Variants in PTPDC1 observed in about 807,000 individuals in gnomAD.
PTPDC1 encodes protein tyrosine phosphatase domain-containing protein 1.
PTPDC1 carries 53 observed loss-of-function variants against 75.3 expected under a neutral mutation model. The observed-to-expected ratio is 0.70, with a 90% CI of 0.56 to 0.88. The LOEUF (loss-of-function observed/expected upper bound fraction) is 0.88, where lower values mean the gene tolerates loss of function less well. Ranked by LOEUF, PTPDC1 falls within the 40% of genes least tolerant of loss-of-function variation. PTPDC1 has a pLI of 0.00. For missense variants in PTPDC1, 925 were observed against 998.6 expected, an observed-to-expected ratio of 0.93 and a Z score of 0.99; for synonymous variants, 349 against 366.2, an observed-to-expected ratio of 0.95 and a Z score of 0.54.
upstream of PTPDC1, among the ~76,000 whole-genome samples, chr9:94,080,797 A>C (rs2117951197): frequency 1.3e-5 from 2 of 152,308 alleles, no homozygotes; most frequent in South Asian, 4.1e-4. Flanking sequence ...TTTTGGAGTA[A>C]TCAGTGAAGC....
chr9:94,055,129 G>A (rs150095172), intron 1 of PTPDC1, among the ~76,000 whole-genome samples: 278 of 152,242 alleles, frequency 1.8e-3, no homozygotes, highest in South Asian at 0.012. Context: ...TATTTAATAG[G>A]TCTTTATTGT....
chr9:94,047,022 C>A (rs1825621146), intron 1 of PTPDC1, among the ~76,000 whole-genome samples: 1 of 152,178 alleles, frequency 6.6e-6, no homozygotes, highest in Admixed American at 6.5e-5. Context: ...TATGTCCTAT[C>A]AATACCTAAT....
intron 1 of PTPDC1, among the ~76,000 whole-genome samples, chr9:94,031,323 G>T (rs1221716144): frequency 6.6e-6 from 1 of 152,116 alleles, no homozygotes; most frequent in African/African-American, 2.4e-5. Context: ...GGGAGATGCT[G>T]GGAGAACCCC....
At chr9:94,065,503 T>C (rs941944892) in intron 2 of PTPDC1, among the ~76,000 whole-genome samples, 1 of 152,242 alleles carries the variant, frequency 6.6e-6, no homozygotes, top group Non-Finnish European at 1.5e-5. Context: ...ATTTCTCCCC[T>C]AAGTATGGAT....
rs750480443 is a variant in PTPDC1 at position 94,104,363 on chromosome 9, A to G, written c.2288A>G (p.His763Arg). 11 of 1,613,442 alleles carry G rather than the reference A, an allele frequency of 6.8e-6. No homozygotes were observed. The highest frequency in any genetic ancestry group is 8.5e-6 in the Non-Finnish European group (10 of 1,179,544). ...GATGTGGAGGAAGCTTTCCTTGCCC[A>G]TGCCATTAAGGCATTCACTAAGGTG... ...PVDVEEAFLAHAIKAFTKVNF... is the reference protein window; with the variant it reads ...PVDVEEAFLARAIKAFTKVNF... The change falls in exon 8 of 9, where the codon CAT (histidine) becomes CGT (arginine). Residue 763 changes from histidine (H) to arginine (R), a missense_variant. His to Arg is a conservative substitution (Grantham distance 29). Coordinates refer to ENST00000620992, the MANE Select transcript of PTPDC1 (RefSeq NM_001253829.2).
At chr9:94,097,169 A>G in intron 5 of PTPDC1, 152 bp from the exon 6 acceptor site, 1 of 636,076 alleles carries the variant, frequency 1.6e-6, no homozygotes, top group East Asian at 2.8e-5. Flanking sequence ...ACAAAAAGTC[A>G]CAAAGTTATC....
At chr9:94,071,935 A>G (rs1282753522) in intron 2 of PTPDC1, among the ~76,000 whole-genome samples, 1 of 152,090 alleles carries the variant, frequency 6.6e-6, no homozygotes, top group Non-Finnish European at 1.5e-5. Flanking sequence ...CAGCATACAG[A>G]TTCATACATG....
intron 1 of PTPDC1, among the ~76,000 whole-genome samples, chr9:94,063,183 T>G (rs1449859622): frequency 6.6e-6 from 1 of 152,250 alleles, no homozygotes; most frequent in Non-Finnish European, 1.5e-5. Context: ...CTCTGGGACA[T>G]GGTTCATAAC....
intron 1 of PTPDC1, among the ~76,000 whole-genome samples, chr9:94,060,526 C>T (rs1047350251): frequency 1.3e-5 from 2 of 152,108 alleles, no homozygotes; most frequent in African/African-American, 4.8e-5. Context: ...TAAAGGAATA[C>T]CAGAGACTGA....
intron 1 of PTPDC1, among the ~76,000 whole-genome samples, chr9:94,042,608 A>G (rs1825457830): frequency 6.6e-6 from 1 of 152,230 alleles, no homozygotes. Flanking sequence ...GTTTTGGTTT[A>G]GGGTCTTGCC....
chr9:94,095,361 C>G lies in PTPDC1; in HGVS notation c.661C>G (p.Leu221Val), dbSNP rs1352419526. The G allele has an allele frequency of 1.2e-6, 2 of 1,612,718 alleles. No individual in the cohort carries two copies. Among genetic ancestry groups the G allele is most frequent in the Non-Finnish European group, 1.7e-6 (2 of 1,178,888 alleles). Residue 221 changes from leucine to valine, a missense_variant, in exon 5 of 9, where the codon CTT (leucine) becomes GTT (valine). By Grantham distance (32) the Leu-to-Val change is conservative (BLOSUM62 1). Coordinates refer to ENST00000620992, the MANE Select transcript of PTPDC1 (RefSeq NM_001253829.2). ...FGWKDYGVAS[L>V]TTILDMVKVM... ...ATGGAAGGATTATGGTGTAGCGTCT[C>G]TTACTACTATCCTAGATATGGTGAA...
intron 3 of PTPDC1, 98 bp downstream of exon 3, chr9:94,088,009 T>C: frequency 2.1e-6 from 3 of 1,443,406 alleles, no homozygotes; most frequent in South Asian, 2.4e-5. Flanking sequence ...ATTTTAACAA[T>C]AGGCAGTGAA....
intron 1 of PTPDC1, among the ~76,000 whole-genome samples, chr9:94,039,980 A>G (rs1325131129): frequency 1.3e-5 from 2 of 152,204 alleles, no homozygotes; most frequent in African/African-American, 2.4e-5. Context: ...ATTGGGCAGC[A>G]TCCCATCTAA....
intron 2 of PTPDC1, among the ~76,000 whole-genome samples, chr9:94,073,734 A>T (rs1432809460): frequency 2.6e-5 from 4 of 152,184 alleles, no homozygotes; most frequent in African/African-American, 4.8e-5. Flanking sequence ...AAGTGATAGA[A>T]ATTTCTTACA....
intron 1 of PTPDC1, among the ~76,000 whole-genome samples, chr9:94,060,290 A>G (rs1306116268): frequency 6.6e-6 from 1 of 152,206 alleles, no homozygotes; most frequent in Non-Finnish European, 1.5e-5. Flanking sequence ...GAGCTGTGTA[A>G]TGATGTCACT....
rs1326683889 is a variant in PTPDC1 at position 94,052,083 on chromosome 9, A to G, written c.-6-12651A>G. 3.9e-5 allele frequency among the ~76,000 whole-genome samples: 6 copies of G among 152,318 alleles called. No individual in the cohort carries two copies. In the South Asian group the frequency reaches 8.3e-4, roughly 21 times the overall value. On this transcript the variant is annotated intron_variant, in intron 1 of 9. Coordinates refer to the PTPDC1 transcript ENST00000375360. ...AATTATTTTTAATTGTAAAATACAC[A>G]TAACAAAATTTATCATCTTAACCAT...
At position 94,101,769 on chromosome 9, in the gene PTPDC1, C is replaced by G; in HGVS notation, c.2199+18C>G. The G allele has an allele frequency of 6.4e-7, 1 of 1,561,178 alleles. No individual in the cohort carries two copies. The highest frequency in any genetic ancestry group is 8.8e-7 in the Non-Finnish European group (1 of 1,139,024). ...TAGAGAAGGTAAAGTGGCTGTAGGA[C>G]CAGTTAATGACTGTAACTGAGGCCC... On this transcript the variant is annotated intron_variant, in intron 7 of 8. Coordinates refer to ENST00000620992, the MANE Select transcript of PTPDC1 (RefSeq NM_001253829.2).
chr9:94,091,451 T>A (rs952183231), intron 4 of PTPDC1, among the ~76,000 whole-genome samples: 14 of 152,078 alleles, frequency 9.2e-5, no homozygotes, highest in African/African-American at 2.7e-4. Context: ...TCATGGTGGA[T>A]AAGCTTTTTG....
At chr9:94,084,438 A>C (rs1040913052), upstream of PTPDC1, 4 of 1,545,400 alleles carry the variant, frequency 2.6e-6, no homozygotes, top group Admixed American at 1.9e-5. Flanking sequence ...TAGATCATAC[A>C]GAACGATGCA....
Sources: allele counts gnomAD v4.1 joint callset (sites outside exome capture counted in the v4.1 genomes callset), GRCh38; gene constraint gnomAD v4.1.1; transcripts MANE v1.5; gene names NCBI Gene and HGNC (gene_info 2026-07-23, HGNC 2026-07-21).